PCDHA1: variants seen among roughly 807,000 people sequenced by gnomAD.
PCDHA1 encodes the protein protocadherin alpha-1.
PCDHA1 carries 42 observed loss-of-function variants against 61.3 expected under a neutral mutation model. The observed-to-expected ratio is 0.69, with a 90% CI of 0.54 to 0.89. The LOEUF is 0.89. Among genes scored for constraint, PCDHA1 ranks in the 40% least tolerant of loss-of-function variants. PCDHA1 has a pLI of 0.00. For missense variants in PCDHA1, 1,256 were observed against 1,235.3 expected (o/e 1.02, Z -0.25); for synonymous variants, 610 against 553.8 (o/e 1.10, Z -1.43).
intron 1 of PCDHA1, among the ~76,000 whole-genome samples, chr5:140,941,214 CCTTTCTTTCTTT>C (rs60032403): frequency 3.3e-5 from 4 of 122,414 alleles, no homozygotes; most frequent in Non-Finnish European, 6.8e-5. Flanking sequence ...TTTCTTTCTT[CCTTTCTTTCTTT>C]CTTTCTTTCT....
intron 1 of PCDHA1, chr5:140,882,264 G>C: frequency 6.2e-7 from 1 of 1,609,300 alleles, no homozygotes; most frequent in Non-Finnish European, 8.5e-7. Context: ...TTTTTGGAGT[G>C]TACCATGCTG....
intron 1 of PCDHA1, chr5:140,843,148 T>C (rs2150353872): frequency 6.3e-7 from 1 of 1,596,056 alleles, no homozygotes; most frequent in South Asian, 1.1e-5. Flanking sequence ...GGCTTTCGTA[T>C]GAGCTGCAGC....
rs560591175 is a variant in PCDHA1, at chr5:140,788,273, C to A, written c.1983C>A (p.Ala661=). The change falls in exon 1 of 4, where the codon GCC becomes GCA. Residue 661 remains alanine (A), a synonymous_variant. Coordinates refer to ENST00000504120, the MANE Select transcript of PCDHA1 (RefSeq NM_018900.4). ...ATCACGGTGAGCCGGCGCTGACAGC[C>A]ACGGCCACTGTGCTTGTATCTCTGG... ...VKDHGEPALT[A]TATVLVSLVE... The A allele has an allele frequency of 5.0e-6, 8 of 1,613,986 alleles. No individual in the cohort carries two copies. The highest frequency in any genetic ancestry group is 5.9e-6 in the Non-Finnish European group (7 of 1,179,932).
intron 1 of PCDHA1, among the ~76,000 whole-genome samples, chr5:140,878,853 A>G (rs565644052): frequency 1.3e-5 from 2 of 152,352 alleles, no homozygotes; most frequent in East Asian, 3.9e-4. Context: ...TCTGGGTTCA[A>G]CTGATCCTCC....
intron 1 of PCDHA1, among the ~76,000 whole-genome samples, chr5:140,871,899 A>G (rs1160830243): frequency 2.6e-5 from 4 of 152,208 alleles, no homozygotes; most frequent in Admixed American, 2.0e-4. Context: ...CTTTTAGCAG[A>G]GTTTTGCCTT....
chr5:140,883,850 C>G (rs369951260), intron 1 of PCDHA1: 31 of 1,612,792 alleles, frequency 1.9e-5, no homozygotes, highest in African/African-American at 4.0e-5. Flanking sequence ...CCACGAGGAG[C>G]TGGAGCTGTT....
At chr5:140,905,376 C>G in intron 1 of PCDHA1, among the ~76,000 whole-genome samples, 1 of 152,174 alleles carries the variant, frequency 6.6e-6, no homozygotes, top group East Asian at 1.9e-4. Context: ...GTTCTCTGTT[C>G]TGTTTCATAG....
At position 140,842,418 on chromosome 5, in the gene PCDHA1, G is replaced by A. The variant is rs2150335492; in HGVS notation, c.2394+53734G>A. The A allele has an allele frequency of 1.9e-5, 31 of 1,613,276 alleles. No individual in the cohort carries two copies. In the South Asian group the frequency reaches 2.9e-4, roughly 15 times the overall value. On this transcript the variant is annotated intron_variant, in intron 1 of 3. Coordinates refer to ENST00000504120, the MANE Select transcript of PCDHA1 (RefSeq NM_018900.4). ...CCTGTACGTGAAGACGCTCAATTTG[G>A]TACTGTCATCGCCCTAATTAGCGTG...
At chr5:140,805,189 AT>A in intron 1 of PCDHA1, 1 of 1,470,820 alleles carries the variant, frequency 6.8e-7, no homozygotes, top group Non-Finnish European at 9.0e-7. Context: ...CCAAATAAAT[AT>A]TGAATAGCTA....
intron 1 of PCDHA1, among the ~76,000 whole-genome samples, chr5:140,923,931 A>T (rs1216808903): frequency 2.6e-5 from 4 of 152,118 alleles, no homozygotes; most frequent in Non-Finnish European, 4.4e-5. Flanking sequence ...CTCTGTATGC[A>T]TTTTTCCTTT....
intron 3 of PCDHA1, among the ~76,000 whole-genome samples, chr5:141,005,404 G>A (rs1265064301): frequency 6.6e-6 from 1 of 152,166 alleles, no homozygotes; most frequent in Non-Finnish European, 1.5e-5. Context: ...CAGACTTGAA[G>A]AGTGAGGAGT....
intron 3 of PCDHA1, among the ~76,000 whole-genome samples, chr5:141,005,605 G>A (rs1366861614): frequency 7.3e-5 from 11 of 150,146 alleles, no homozygotes; most frequent in African/African-American, 2.7e-4. Context: ...AGGAGGCTGA[G>A]GCAGGAGAAT....
At chr5:140,875,288 A>G in intron 1 of PCDHA1, 2 of 1,392,506 alleles carry the variant, frequency 1.4e-6, no homozygotes, top group East Asian at 2.5e-5. Flanking sequence ...TGAAACAGGA[A>G]AATTTTTTTC....
At chr5:140,967,468 C>T (rs155807) in intron 1 of PCDHA1, 541,339 of 1,613,022 alleles carry the variant, frequency 0.34, 92,423 homozygotes, top group East Asian at 0.5. Context: ...ATGGGGGCAT[C>T]CCAGCCCGCT....
chr5:140,888,941 TAA>T (rs1361014830), intron 1 of PCDHA1, among the ~76,000 whole-genome samples: 2 of 152,086 alleles, frequency 1.3e-5, no homozygotes, highest in Non-Finnish European at 1.5e-5. Flanking sequence ...GAGGGAGGTA[TAA>T]ATTTTTTCTT....
At chr5:140,956,200 GA>G (rs1385482287) in intron 1 of PCDHA1, among the ~76,000 whole-genome samples, 1 of 152,152 alleles carries the variant, frequency 6.6e-6, no homozygotes, top group Non-Finnish European at 1.5e-5. Flanking sequence ...TAGGAGTGGT[GA>G]AAGAGGGCAT....
intron 1 of PCDHA1, among the ~76,000 whole-genome samples, chr5:140,820,542 A>G (rs1766778252): frequency 1.3e-5 from 2 of 152,044 alleles, no homozygotes; most frequent in Admixed American, 6.5e-5. Flanking sequence ...TCTTCAATAG[A>G]AAACTTGGTG....
chr5:140,850,864 C>T, intron 1 of PCDHA1: 1 of 1,593,486 alleles, frequency 6.3e-7, no homozygotes, highest in Non-Finnish European at 8.6e-7. Context: ...GGAGAACCCT[C>T]TGCTTCCTCA....
intron 1 of PCDHA1, chr5:140,797,531 A>G (rs1285777649): frequency 3.9e-6 from 3 of 774,104 alleles, no homozygotes; most frequent in Middle Eastern, 3.9e-4. Context: ...TATTTAAACA[A>G]TCTACATAAC....
Sources: gnomAD v4.1 joint callset for allele counts (sites outside exome capture counted in the v4.1 genomes callset) on GRCh38, gnomAD v4.1.1 for gene constraint, MANE v1.5 for transcripts, NCBI Gene and HGNC (gene_info 2026-07-23, HGNC 2026-07-21) for gene names.